The following GPR141 variants were observed in gnomAD, a reference collection of about 807,000 sequenced individuals.
GPR141 encodes probable G protein-coupled receptor 141.
Under a neutral mutation model 6.8 loss-of-function variants are expected in GPR141, and 6 were observed. The ratio of observed to expected loss-of-function variants is 0.88; its 90% CI spans 0.48 to 1.74. The LOEUF is 1.74. GPR141 is among the 40% of genes most tolerant of loss of function. The probability of loss-of-function intolerance (pLI) is 0.01; values close to 1 mark genes in which losing one functional copy is unlikely to be tolerated. For synonymous variants in GPR141, 140 were observed against 142.3 expected, an observed-to-expected ratio of 0.98 and a Z score of 0.11; for missense variants, 372 against 372.9, an observed-to-expected ratio of 1.00 and a Z score of 0.02.
intron 2 of GPR141, among the ~76,000 whole-genome samples, chr7:37,687,209 G>A (rs1447836401): frequency 1.3e-5 from 2 of 151,994 alleles, no homozygotes; most frequent in Non-Finnish European, 2.9e-5. Context: ...TCAAATTGTA[G>A]CTCTGTTCTC....
chr7:37,688,083 T>C (rs1809590764), intron 2 of GPR141, among the ~76,000 whole-genome samples: 1 of 152,128 alleles, frequency 6.6e-6, no homozygotes, highest in Non-Finnish European at 1.5e-5. Flanking sequence ...GGCCAGCCCA[T>C]GGGATGTACT....
chr7:37,699,542 C>G (rs1810181069), intron 2 of GPR141, among the ~76,000 whole-genome samples: 1 of 152,194 alleles, frequency 6.6e-6, no homozygotes, highest in African/African-American at 2.4e-5. Flanking sequence ...GCCTGGGCAA[C>G]ACAGCGAGAC....
chr7:37,739,993 T>C (rs983166440), intron 2 of GPR141, among the ~76,000 whole-genome samples: 13 of 152,186 alleles, frequency 8.5e-5, no homozygotes, highest in African/African-American at 3.1e-4. Flanking sequence ...AAAAATTGTA[T>C]ACTTCATGAA....
At position 37,741,291 on chromosome 7, in the gene GPR141, A is replaced by C; in HGVS notation, c.898A>C (p.Asn300His). 2 of 1,591,374 alleles carry C rather than the reference A, an allele frequency of 1.3e-6. No individual in the cohort carries two copies. The highest frequency in any genetic ancestry group is 1.7e-6 in the Non-Finnish European group (2 of 1,167,402). Residue 300 changes from asparagine (N) to histidine (H), a missense_variant, in exon 3 of 3, where the codon AAT (asparagine) becomes CAT (histidine). By Grantham distance (68) the Asn-to-His change is moderately conservative. Coordinates refer to ENST00000334425, the MANE Select transcript of GPR141 (RefSeq NM_001381946.1). ...WFKQKIIGLWNCVLCR is the reference protein window; with the variant it reads ...WFKQKIIGLWHCVLCR The stretch of plus-strand genomic sequence containing the variant: ...TAAGCAAAAGATAATTGGCTTATGG[A>C]ATTGTGTTTTGTGCCGTTAGCCACA...
At chr7:37,689,711 C>T (rs1809669029) in intron 2 of GPR141, among the ~76,000 whole-genome samples, 3 of 151,200 alleles carry the variant, frequency 2.0e-5, no homozygotes, top group African/African-American at 7.3e-5. Context: ...TTCAGTGATC[C>T]TTTTTTTTTA....
chr7:37,690,631 T>C (rs1809714683), intron 2 of GPR141, among the ~76,000 whole-genome samples: 1 of 152,188 alleles, frequency 6.6e-6, no homozygotes, highest in Non-Finnish European at 1.5e-5. Context: ...TAATACACTC[T>C]TGTTATTCAT....
intron 2 of GPR141, among the ~76,000 whole-genome samples, chr7:37,706,644 G>T (rs1810537243): frequency 6.6e-6 from 1 of 152,158 alleles, no homozygotes; most frequent in Admixed American, 6.5e-5. Context: ...ACACTTGGCA[G>T]AGGCTCAGCT....
rs150151168 is a variant in GPR141 at position 37,740,815 on chromosome 7, C to T, written c.422C>T (p.Thr141Met). Residue 141 changes from threonine (T) to methionine (M), a missense_variant, in exon 3 of 3, where the codon ACG becomes ATG. Physicochemically the swap from Thr to Met is moderately conservative, Grantham distance 81. Coordinates refer to ENST00000334425, the MANE Select transcript of GPR141 (RefSeq NM_001381946.1). The part of the protein sequence containing the change: ...HAVAASAGMW[T>M]LVIVIVVPLV... Reference sequence around the variant, plus strand: ...GTGGCTGCCAGTGCTGGCATGTGGACGCTGGTGATTGTCATTGTGGTACCC... The same window carrying T: ...GTGGCTGCCAGTGCTGGCATGTGGATGCTGGTGATTGTCATTGTGGTACCC... 760 of 1,614,080 alleles carry T rather than the reference C, an allele frequency of 4.7e-4. 5 individuals carry two copies. The African/African-American group carries it at 9.1e-3, about 19-fold the overall frequency.
rs920825830 is a variant in GPR141 at position 37,743,553 on chromosome 7, A to T, written c.*2242A>T. Reference sequence around the variant, plus strand: ...AATTTATAATACCTATAAATATGTAAAAAAAATTTAGAAAAATATTTAAAT... The same window carrying T: ...AATTTATAATACCTATAAATATGTATAAAAAATTTAGAAAAATATTTAAAT... On this transcript the variant is annotated 3_prime_UTR_variant, in exon 3 of 3. Coordinates refer to ENST00000334425, the MANE Select transcript of GPR141 (RefSeq NM_001381946.1). Among the ~76,000 whole-genome samples the T allele has an allele frequency of 2.0e-4, 1 of 5,056 alleles. No homozygotes were observed. Among genetic ancestry groups the T allele is most frequent in the African/African-American group, 7.3e-4 (1 of 1,368 alleles). The allele number at this position is 5,056 out of a possible 152,430, so 3.3% of individuals were successfully genotyped here.
intron 2 of GPR141, among the ~76,000 whole-genome samples, chr7:37,692,135 A>G (rs1461584136): frequency 6.6e-6 from 1 of 151,890 alleles, no homozygotes; most frequent in Non-Finnish European, 1.5e-5. Context: ...TCCTAACGCT[A>G]TCCCTCCCCT....
chr7:37,715,932 C>T (rs1793724751), intron 2 of GPR141, among the ~76,000 whole-genome samples: 1 of 152,148 alleles, frequency 6.6e-6, no homozygotes, highest in South Asian at 2.1e-4. Flanking sequence ...CACCATAAGC[C>T]TTATGTGCAG....
chr7:37,684,471 A>C (rs1054506893), intron 1 of GPR141, among the ~76,000 whole-genome samples: 1 of 152,222 alleles, frequency 6.6e-6, no homozygotes, highest in Admixed American at 6.5e-5. Context: ...ACTACTTAAC[A>C]GGAAGGATCT....
intron 1 of GPR141, 77 bp downstream of exon 1, chr7:37,683,980 A>G (rs755820599): frequency 6.6e-6 from 1 of 150,476 alleles, no homozygotes; most frequent in Non-Finnish European, 1.5e-5. Flanking sequence ...ATTTGTTGGC[A>G]TAGTCCTAAT....
chr7:37,688,622 T>C (rs1338423064), intron 2 of GPR141, among the ~76,000 whole-genome samples: 1 of 152,178 alleles, frequency 6.6e-6, no homozygotes, highest in Non-Finnish European at 1.5e-5. Context: ...AAGTCCTCTC[T>C]CCTCCTTGCC....
chr7:37,710,546 A>G (rs1363738684), intron 2 of GPR141, among the ~76,000 whole-genome samples: 1 of 152,116 alleles, frequency 6.6e-6, no homozygotes, highest in East Asian at 1.9e-4. Context: ...TACTGTTCAG[A>G]TTTTCCTGAT....
At chr7:37,719,992 G>A (rs181260618) in intron 2 of GPR141, among the ~76,000 whole-genome samples, 2,256 of 152,244 alleles carry the variant, frequency 0.015, 143 homozygotes, top group Admixed American at 0.1. Flanking sequence ...AGAGTGTCAG[G>A]GCCAGCCTGG....
chr7:37,720,665 C>T (rs764791612), intron 2 of GPR141, among the ~76,000 whole-genome samples: 8 of 149,840 alleles, frequency 5.3e-5, no homozygotes, highest in Non-Finnish European at 7.4e-5. Flanking sequence ...GGCGTGAACC[C>T]GGAAGGCGGA....
chr7:37,729,050 C>T (rs1427698122), intron 2 of GPR141, among the ~76,000 whole-genome samples: 4 of 152,052 alleles, frequency 2.6e-5, no homozygotes, highest in Non-Finnish European at 4.4e-5. Flanking sequence ...GAGAACATTC[C>T]AAGAATGACA....
At chr7:37,706,318 C>T (rs552881140) in intron 2 of GPR141, among the ~76,000 whole-genome samples, 27 of 152,316 alleles carry the variant, frequency 1.8e-4, no homozygotes, top group African/African-American at 6.0e-4. Context: ...ATTTAAAAAC[C>T]AGATTGAGAA....
Sources: allele counts gnomAD v4.1 joint callset (sites outside exome capture counted in the v4.1 genomes callset), GRCh38; gene constraint gnomAD v4.1.1; transcripts MANE v1.5; gene names NCBI Gene and HGNC (gene_info 2026-07-23, HGNC 2026-07-21).